The following DNAJC1 variants were observed in gnomAD, a reference collection of about 807,000 sequenced individuals.
DNAJC1 encodes the protein DnaJ heat shock protein family (Hsp40) member C1.
In DNAJC1, 58 loss-of-function variants were observed where a neutral mutation model predicts 76.6. That is an observed-to-expected ratio of 0.76 (90% CI 0.61 to 0.94). DNAJC1 has a LOEUF of 0.94. Among genes scored for constraint, DNAJC1 ranks in the 40% least tolerant of loss-of-function variants. DNAJC1 has a pLI of 0.00. For synonymous variants in DNAJC1, 258 were observed against 267.9 expected (o/e 0.96, Z 0.36); for missense variants, 689 against 677.3 (o/e 1.02, Z -0.19).
At chr10:21,851,084 C>A (rs1835744145) in intron 8 of DNAJC1, among the ~76,000 whole-genome samples, 1 of 152,118 alleles carries the variant, frequency 6.6e-6, no homozygotes, top group Admixed American at 6.5e-5. Flanking sequence ...GGGTAAAATT[C>A]ACGCTCTTGG....
intron 1 of DNAJC1, among the ~76,000 whole-genome samples, chr10:21,936,315 C>G (rs1027917615): frequency 3.1e-4 from 47 of 152,294 alleles, no homozygotes; most frequent in African/African-American, 1.1e-3. Context: ...CAACAAATTT[C>G]TGTTGTTTAT....
intron 7 of DNAJC1, among the ~76,000 whole-genome samples, chr10:21,888,495 T>C (rs1203124116): frequency 1.3e-5 from 2 of 152,110 alleles, no homozygotes; most frequent in Admixed American, 6.6e-5. Context: ...TGAATGCCCA[T>C]CAATTAGCAA....
chr10:21,881,928 G>C lies in DNAJC1; in HGVS notation c.978+354C>G, dbSNP rs185059736. Among the ~76,000 whole-genome samples, 7 of 151,322 alleles carry C rather than the reference G, an allele frequency of 4.6e-5. No homozygotes were observed. The East Asian group carries it at 9.7e-4, about 21-fold the overall frequency. On this transcript the variant is annotated intron_variant, in intron 8 of 11. Transcript: ENST00000376980. The stretch of plus-strand genomic sequence containing the variant: ...CCAGCACTTTGGGAGGCCGAGGGGG[G>C]CAGATCATGAGGTCAGAAGATCAAA...
chr10:21,985,396 T>C (rs1158176793), intron 1 of DNAJC1, among the ~76,000 whole-genome samples: 17 of 152,036 alleles, frequency 1.1e-4, no homozygotes, highest in Admixed American at 1.1e-3. Flanking sequence ...ATCACAGGCA[T>C]GCACCACAGC....
intron 9 of DNAJC1, among the ~76,000 whole-genome samples, chr10:21,771,830 T>C (rs1397636409): frequency 6.6e-6 from 1 of 152,238 alleles, no homozygotes; most frequent in Non-Finnish European, 1.5e-5. Flanking sequence ...CGTGTGATAC[T>C]GCTTTTTATT....
intron 8 of DNAJC1, among the ~76,000 whole-genome samples, chr10:21,858,890 T>G (rs1835881705): frequency 6.6e-6 from 1 of 152,212 alleles, no homozygotes; most frequent in Admixed American, 6.5e-5. Context: ...CTCCCATTAC[T>G]CACAAATTTG....
At chr10:21,948,039 G>A (rs565386670) in intron 1 of DNAJC1, among the ~76,000 whole-genome samples, 1 of 151,380 alleles carries the variant, frequency 6.6e-6, no homozygotes, top group African/African-American at 2.4e-5. Flanking sequence ...CAAAAATATG[G>A]GATATAATAA....
chr10:21,835,141 C>T (rs947544346), intron 8 of DNAJC1, among the ~76,000 whole-genome samples: 12 of 152,268 alleles, frequency 7.9e-5, no homozygotes, highest in Middle Eastern at 3.4e-3. Flanking sequence ...TCCAGAGGAA[C>T]GATCAGACAG....
At chr10:21,768,957 A>G (rs1834336552) in intron 9 of DNAJC1, among the ~76,000 whole-genome samples, 1 of 152,174 alleles carries the variant, frequency 6.6e-6, no homozygotes, top group Non-Finnish European at 1.5e-5. Flanking sequence ...ACTTAGCTCA[A>G]GTAGTCTACT....
intron 9 of DNAJC1, among the ~76,000 whole-genome samples, chr10:21,784,907 G>A (rs1163830385): frequency 6.6e-6 from 1 of 152,066 alleles, no homozygotes; most frequent in Non-Finnish European, 1.5e-5. Context: ...TCATGGGGTG[G>A]GGGGCAGGGG....
chr10:21,959,436 C>T (rs892539994), intron 1 of DNAJC1, among the ~76,000 whole-genome samples: 16 of 152,172 alleles, frequency 1.1e-4, no homozygotes, highest in Admixed American at 2.6e-4. Flanking sequence ...CCACACTGAA[C>T]ATATTATATC....
chr10:21,826,198 A>AT (rs1472638678), intron 8 of DNAJC1, among the ~76,000 whole-genome samples: 1 of 131,212 alleles, frequency 7.6e-6, no homozygotes, highest in African/African-American at 3.0e-5. Flanking sequence ...AGATCGTGCC[A>AT]TTGCACTCCA....
intron 8 of DNAJC1, among the ~76,000 whole-genome samples, chr10:21,837,124 G>A (rs1312219205): frequency 6.6e-6 from 1 of 152,256 alleles, no homozygotes; most frequent in Non-Finnish European, 1.5e-5. Flanking sequence ...TGTTGGCCAG[G>A]CTGGTCTCCA....
At chr10:21,879,951 T>C (rs1442662433) in intron 8 of DNAJC1, among the ~76,000 whole-genome samples, 1 of 152,220 alleles carries the variant, frequency 6.6e-6, no homozygotes, top group Non-Finnish European at 1.5e-5. Flanking sequence ...CTCTGTAGCA[T>C]GTGATGCTGC....
intron 9 of DNAJC1, among the ~76,000 whole-genome samples, chr10:21,789,848 A>T (rs1485548526): frequency 6.6e-6 from 1 of 151,870 alleles, no homozygotes; most frequent in Non-Finnish European, 1.5e-5. Flanking sequence ...GGTCTCTACT[A>T]AAAGTACAAA....
intron 6 of DNAJC1, among the ~76,000 whole-genome samples, chr10:21,917,901 T>C (rs556421740): frequency 6.6e-6 from 1 of 152,028 alleles, no homozygotes; most frequent in African/African-American, 2.4e-5. Flanking sequence ...AATGCAGAAG[T>C]TGTAGTCATT....
intron 8 of DNAJC1, among the ~76,000 whole-genome samples, chr10:21,839,771 T>A (rs1471342597): frequency 6.6e-6 from 1 of 152,224 alleles, no homozygotes; most frequent in African/African-American, 2.4e-5. Flanking sequence ...ATCATCCTGA[T>A]ACCAAAGCCT....
chr10:21,974,508 C>T (rs1016620504), intron 1 of DNAJC1, among the ~76,000 whole-genome samples: 6 of 152,110 alleles, frequency 3.9e-5, no homozygotes, highest in Admixed American at 1.3e-4. Flanking sequence ...ACACCATAAA[C>T]TTTTTTATTG....
chr10:21,825,543 C>T (rs1394820855), intron 8 of DNAJC1, among the ~76,000 whole-genome samples: 1 of 152,156 alleles, frequency 6.6e-6, no homozygotes, highest in African/African-American at 2.4e-5. Context: ...TGAGTGTACA[C>T]CTATGAGCGG....
Sources: allele counts gnomAD v4.1 joint callset (sites outside exome capture counted in the v4.1 genomes callset), GRCh38; gene constraint gnomAD v4.1.1; transcripts MANE v1.5; gene names NCBI Gene and HGNC (gene_info 2026-07-23, HGNC 2026-07-21).